Variants in MCTS1 observed in about 807,000 individuals in gnomAD.
The protein encoded by MCTS1 is malignant T-cell-amplified sequence 1.
For synonymous variants in MCTS1, 26 were observed against 40.8 expected (o/e 0.64, Z 1.38); for missense variants, 55 against 128.6 (o/e 0.43, Z 2.77).
chrX:120,607,051 C>CT (rs1361507744), intron 3 of MCTS1, among the ~76,000 whole-genome samples: 2 of 105,315 alleles, frequency 1.9e-5, no homozygotes, highest in African/African-American at 7.0e-5. Context: ...AAAGCATTGA[C>CT]TAAGTGTCCT....
intron 1 of MCTS1, 173 bp downstream of exon 1, chrX:120,604,420 T>C: frequency 1.6e-6 from 1 of 631,102 alleles, no homozygotes; most frequent in Non-Finnish European, 2.3e-6. Flanking sequence ...TTCTTTAAGC[T>C]TTCCATCCGT....
Position 120,618,668 on chromosome X carries a change from T to C in MCTS1, c.*6404T>C, listed in dbSNP as rs886316552. Among the ~76,000 whole-genome samples the C allele has an allele frequency of 1.8e-5, 2 of 112,565 alleles. No homozygotes were observed. The highest frequency in any genetic ancestry group is 6.4e-5 in the African/African-American group (2 of 31,021). On this transcript the variant is annotated 3_prime_UTR_variant, in exon 6 of 6. Transcript: ENST00000371317. The stretch of plus-strand genomic sequence containing the variant: ...CTACTAAATAGCTTCCAAAAAGCAC[T>C]GACTGGAAAATATTTTTCACTATCA...
In MCTS1 at chrX:120,615,749, G is replaced by A. The variant is rs921428458; in HGVS notation, c.*3485G>A. Among the ~76,000 whole-genome samples the A allele has an allele frequency of 3.6e-5, 4 of 111,434 alleles. No homozygotes were observed. The highest frequency in any genetic ancestry group is 1.3e-4 in the African/African-American group (4 of 30,696). On this transcript the variant is annotated 3_prime_UTR_variant, in exon 6 of 6. Transcript: ENST00000371317. The stretch of plus-strand genomic sequence containing the variant: ...TAATGGCCTGATCAGTTCTCTTCTA[G>A]CAGACTGTCTGTTATGGTGGTTTGG...
At position 120,616,418 on chromosome X, in the gene MCTS1, G is replaced by T. The variant is rs1369003215; in HGVS notation, c.*4154G>T. Among the ~76,000 whole-genome samples, 1 of 111,766 alleles carries T rather than the reference G, an allele frequency of 8.9e-6. No homozygotes were observed. The highest frequency in any genetic ancestry group is 1.9e-5 in the Non-Finnish European group (1 of 53,220). On this transcript the variant is annotated 3_prime_UTR_variant, in exon 6 of 6. Coordinates refer to ENST00000371317, the MANE Select transcript of MCTS1 (RefSeq NM_014060.3). ...ATTACACTTTTTAAGGCAGGTAAAA[G>T]AATGAGTAGATGTTATCAACTATAA... is the stretch of plus-strand genomic sequence containing the variant.
At position 120,614,054 on chromosome X, in the gene MCTS1, G is replaced by A. The variant is rs1354415002; in HGVS notation, c.*1790G>A. On this transcript the variant is annotated 3_prime_UTR_variant, in exon 6 of 6. Coordinates refer to ENST00000371317, the MANE Select transcript of MCTS1 (RefSeq NM_014060.3). ...GTGACCTGTGTTACAGTTAGAAGTT[G>A]GTGAGAAAGGTGAGGGTGGATAGCA... 8.9e-6 allele frequency among the ~76,000 whole-genome samples: 1 copy of A among 111,932 alleles called. No individual in the cohort carries two copies. Among genetic ancestry groups the A allele is most frequent in the Non-Finnish European group, 1.9e-5 (1 of 53,221 alleles).
Position 120,618,280 on chromosome X carries a change from CATG to C in MCTS1, c.*6020_*6022del, listed in dbSNP as rs200796896. Among the ~76,000 whole-genome samples, 982 of 112,442 alleles carry C rather than the reference CATG, an allele frequency of 8.7e-3. 11 individuals carry two copies. The highest frequency in any genetic ancestry group is 0.03 in the African/African-American group (925 of 30,957). The stretch of plus-strand genomic sequence containing the variant: ...ATGTTTTAACAAATTTTTAGTTTCT[CATG>C]ATGTGAAAGATTTTGTATGCACGTC... On this transcript the variant is annotated 3_prime_UTR_variant, in exon 6 of 6. Transcript: ENST00000371317.
chrX:120,604,709 T>C, intron 1 of MCTS1: 3 of 1,045,211 alleles, frequency 2.9e-6, no homozygotes, highest in Non-Finnish European at 3.7e-6. Context: ...CTGTCATGCC[T>C]ATTGCCTAGC....
chrX:120,605,501 A>G lies in MCTS1; in HGVS notation c.106A>G (p.Ile36Val). The change falls in exon 2 of 6, where the codon ATT becomes GTT. Residue 36 changes from isoleucine (I) to valine (V), a missense_variant. Ile to Val is a conservative substitution (Grantham distance 29). Transcript: ENST00000371317. ...KNQLIEQFPGIEPWLNQIMPK... is the reference protein window; with the variant it reads ...KNQLIEQFPGVEPWLNQIMPK... ...TCAATTGATAGAGCAATTTCCAGGT[A>G]TTGAACCATGGCTTAATCAAATCAT... 8.3e-7 allele frequency: 1 copy of G among 1,201,174 alleles called. No homozygotes were observed. Among genetic ancestry groups the G allele is most frequent in the Non-Finnish European group, 1.1e-6 (1 of 891,689 alleles).
At chrX:120,606,586 C>A (rs183607992) in intron 3 of MCTS1, among the ~76,000 whole-genome samples, 1 of 111,769 alleles carries the variant, frequency 8.9e-6, no homozygotes, top group East Asian at 2.8e-4. Context: ...GAGTTCGAGA[C>A]CAGCCTGGCC....
chrX:120,605,747 G>A (rs1926516039), intron 2 of MCTS1, among the ~76,000 whole-genome samples, 188 bp downstream of exon 2: 1 of 112,161 alleles, frequency 8.9e-6, no homozygotes, highest in South Asian at 3.6e-4. Flanking sequence ...GAAAAAATGT[G>A]GCTTTGTGTA....
rs1219767200 is a variant in MCTS1, at chrX:120,617,317, G to A, written c.*5053G>A. The stretch of plus-strand genomic sequence containing the variant: ...AGCGATTCTCCTGCCTCAGCCTCCC[G>A]AGTAGCTGGGATCCCATGCGTGTGC... On this transcript the variant is annotated 3_prime_UTR_variant, in exon 6 of 6. Coordinates refer to ENST00000371317, the MANE Select transcript of MCTS1 (RefSeq NM_014060.3). 4.5e-5 allele frequency among the ~76,000 whole-genome samples: 5 copies of A among 110,643 alleles called. No individual in the cohort carries two copies. The highest frequency in any genetic ancestry group is 9.5e-5 in the Non-Finnish European group (5 of 52,905).
chrX:120,612,494 C>T lies in MCTS1; in HGVS notation c.*230C>T, dbSNP rs1036735388. Reference sequence around the variant, plus strand: ...CTGGTAAGTAAGCAAACTCATACAACTAATGTCCTTTCTTAGGCTAATGAT... The same window carrying T: ...CTGGTAAGTAAGCAAACTCATACAATTAATGTCCTTTCTTAGGCTAATGAT... On this transcript the variant is annotated 3_prime_UTR_variant, in exon 6 of 6. Transcript: ENST00000371317. 9.4e-6 allele frequency: 3 copies of T among 318,962 alleles called. No individual in the cohort carries two copies. In the Admixed American group the frequency reaches 1.8e-4, roughly 19 times the overall value. 26.3% of individuals were successfully genotyped at this position (318,962 alleles called of 1,213,427 possible).
chrX:120,606,028 AT>A, intron 2 of MCTS1, 50 bp from the exon 3 acceptor site: 1 of 820,926 alleles, frequency 1.2e-6, no homozygotes, highest in Non-Finnish European at 1.7e-6. Flanking sequence ...TATATTGTGA[AT>A]TTTTGAAAGA....
chrX:120,608,454 T>C, intron 4 of MCTS1, 96 bp downstream of exon 4: 1 of 938,430 alleles, frequency 1.1e-6, no homozygotes, highest in East Asian at 3.3e-5. Flanking sequence ...TTAGATGTAC[T>C]TTTTTGAAGG....
In MCTS1 at chrX:120,616,954, A is replaced by C. The variant is rs1409886123; in HGVS notation, c.*4690A>C. ...ACTAACAGGTGAAAACTGATATTTC[A>C]AATGACTAAATAGACTTAAGATTAG... On this transcript the variant is annotated 3_prime_UTR_variant, in exon 6 of 6. Coordinates refer to ENST00000371317, the MANE Select transcript of MCTS1 (RefSeq NM_014060.3). Among the ~76,000 whole-genome samples, 1 of 112,241 alleles carries C rather than the reference A, an allele frequency of 8.9e-6. No individual in the cohort carries two copies. The highest frequency in any genetic ancestry group is 1.9e-5 in the Non-Finnish European group (1 of 53,279).
rs1926832407 is a variant in MCTS1, at chrX:120,615,711, T to C, written c.*3447T>C. Among the ~76,000 whole-genome samples, 1 of 111,737 alleles carries C rather than the reference T, an allele frequency of 8.9e-6. No homozygotes were observed. The highest frequency in any genetic ancestry group is 9.6e-5 in the Admixed American group (1 of 10,427). ...CATCCCAACTCAGATGATTGTCCTG[T>C]TGTCCGGTGACATAATGGCCTGATC... On this transcript the variant is annotated 3_prime_UTR_variant, in exon 6 of 6. Coordinates refer to ENST00000371317, the MANE Select transcript of MCTS1 (RefSeq NM_014060.3).
intron 1 of MCTS1, chrX:120,604,710 A>G: frequency 5.7e-6 from 6 of 1,043,717 alleles, no homozygotes; most frequent in Non-Finnish European, 7.4e-6. Context: ...TGTCATGCCT[A>G]TTGCCTAGCT....
chrX:120,611,238 A>G (rs748228892), intron 5 of MCTS1, 160 bp downstream of exon 5: 10 of 445,616 alleles, frequency 2.2e-5, no homozygotes, highest in South Asian at 1.6e-4. Flanking sequence ...TAGGAAGCCA[A>G]TGAAACCTAT....
In MCTS1 at chrX:120,614,641, T is replaced by C. The variant is rs745648848; in HGVS notation, c.*2377T>C. 8.9e-6 allele frequency among the ~76,000 whole-genome samples: 1 copy of C among 112,247 alleles called. No homozygotes were observed. The highest frequency in any genetic ancestry group is 1.9e-5 in the Non-Finnish European group (1 of 53,251). The stretch of plus-strand genomic sequence containing the variant: ...ATAGTTTAATTTTTTGCTGACTTAC[T>C]GGCTTCAAATTCAGATGTCTCCCTA... On this transcript the variant is annotated 3_prime_UTR_variant, in exon 6 of 6. Coordinates refer to ENST00000371317, the MANE Select transcript of MCTS1 (RefSeq NM_014060.3).
Sources: allele counts gnomAD v4.1 joint callset (sites outside exome capture counted in the v4.1 genomes callset), GRCh38; gene constraint gnomAD v4.1.1; transcripts MANE v1.5; gene names NCBI Gene and HGNC (gene_info 2026-07-23, HGNC 2026-07-21).